The following MFSD1 variants were observed in gnomAD, a reference collection of about 807,000 sequenced individuals.
The protein encoded by MFSD1 is lysosomal dipeptide transporter MFSD1.
MFSD1 carries 59 observed loss-of-function variants against 67.1 expected under a neutral mutation model. That is an observed-to-expected ratio of 0.88 (90% CI 0.71 to 1.09). MFSD1 has a LOEUF of 1.09. Ranked by LOEUF, MFSD1 falls within the 50% of genes least tolerant of loss-of-function variation. MFSD1 has a pLI of 0.00. For missense variants in MFSD1, 552 were observed against 566.1 expected, an observed-to-expected ratio of 0.97 and a Z score of 0.25; for synonymous variants, 213 against 200.3, an observed-to-expected ratio of 1.06 and a Z score of -0.54.
At chr3:158,807,183 A>G (rs1729773088) in intron 4 of MFSD1, 101 bp downstream of exon 4, 3 of 1,155,438 alleles carry the variant, frequency 2.6e-6, no homozygotes, top group African/African-American at 1.5e-5. Context: ...TGCCTAGCTT[A>G]ATTAAGCAGA....
At chr3:158,807,543 T>C in intron 5 of MFSD1, 80 bp downstream of exon 5, 2 of 1,162,238 alleles carry the variant, frequency 1.7e-6, no homozygotes, top group South Asian at 2.6e-5. Flanking sequence ...AAAAACCTTG[T>C]CTCTTCTGGG....
At chr3:158,816,468 G>A (rs868205929) in intron 7 of MFSD1, among the ~76,000 whole-genome samples, 2,675 of 152,256 alleles carry the variant, frequency 0.018, 64 homozygotes, top group African/African-American at 0.061. Flanking sequence ...AGAAGTGTCT[G>A]TTCATGTCCT....
In MFSD1 at chr3:158,805,363, A is replaced by T; in HGVS notation, c.218A>T (p.Asp73Val). 1.2e-6 allele frequency: 2 copies of T among 1,607,256 alleles called. No homozygotes were observed. Among genetic ancestry groups the T allele is most frequent in the South Asian group, 1.1e-5 (1 of 90,942 alleles). Residue 73 changes from aspartate (D) to valine (V), a missense_variant and splice_region_variant, in exon 3 of 16, where the codon GAT becomes GTT. Asp to Val is a radical substitution (Grantham distance 152). Coordinates refer to ENST00000415822, the MANE Select transcript of MFSD1 (RefSeq NM_022736.4). ...PAALQTQVKR[D>V]MQVNTTKFML... ...TAGTTTTATTTTCTTTTCATATAGG[A>T]TATGCAAGTGAATACCACGAAATTC...
chr3:158,816,727 T>C (rs1368121862), intron 7 of MFSD1, among the ~76,000 whole-genome samples: 4 of 151,472 alleles, frequency 2.6e-5, no homozygotes, highest in Admixed American at 2.0e-4. Context: ...TCCTTGCCCA[T>C]GCCTATGTCC....
In MFSD1 at chr3:158,807,472, T is replaced by C. The variant is rs1465070826; in HGVS notation, c.440+9T>C. On this transcript the variant is annotated intron_variant, in intron 5 of 15. Coordinates refer to ENST00000415822, the MANE Select transcript of MFSD1 (RefSeq NM_022736.4). ...GGAAGATTTGTATTTGGGTAAGTTA[T>C]GCATAATTTAATTTATCCTAATGTA... 1 of 1,593,454 alleles carries C rather than the reference T, an allele frequency of 6.3e-7. No homozygotes were observed. The highest frequency in any genetic ancestry group is 2.2e-5 in the East Asian group (1 of 44,654).
At chr3:158,804,413 A>G in intron 2 of MFSD1, 42 bp downstream of exon 2, 1 of 1,542,546 alleles carries the variant, frequency 6.5e-7, no homozygotes, top group Non-Finnish European at 8.9e-7. Context: ...TTTTCTTTAG[A>G]GCAAGTGTAG....
chr3:158,823,251 C>A, intron 11 of MFSD1, 177 bp from the exon 12 acceptor site: 1 of 597,820 alleles, frequency 1.7e-6, no homozygotes, highest in South Asian at 2.0e-5. Context: ...TAAAAGGATA[C>A]TCTTAGGGCA....
At chr3:158,813,468 C>T (rs888256521) in intron 6 of MFSD1, among the ~76,000 whole-genome samples, 9 of 152,088 alleles carry the variant, frequency 5.9e-5, no homozygotes, top group African/African-American at 1.9e-4. Flanking sequence ...ATTATATTCC[C>T]AATACCTGAA....
intron 1 of MFSD1, 71 bp from the exon 2 acceptor site, chr3:158,804,248 C>A: frequency 2.8e-6 from 3 of 1,079,042 alleles, no homozygotes; most frequent in Admixed American, 4.7e-5. Flanking sequence ...ATTGTAATTT[C>A]AGTAGCAACT....
At chr3:158,802,597 A>G (rs1288252522) in intron 1 of MFSD1, 9 of 680,854 alleles carry the variant, frequency 1.3e-5, no homozygotes, top group Non-Finnish European at 2.4e-5. Flanking sequence ...GACTCGCCCT[A>G]GAGGCGATAG....
chr3:158,807,054 T>G lies in MFSD1; in HGVS notation c.344T>G (p.Ile115Ser). Residue 115 changes from isoleucine to serine, a missense_variant, in exon 4 of 16, where the codon ATT becomes AGT. Transcript: ENST00000415822. Reference sequence around the variant, plus strand: ...TTCCCAAACAGATGGGGCACAATCATTTTTAGCTGCTTTGTTTGCATTGGA... The same window carrying G: ...TTCCCAAACAGATGGGGCACAATCAGTTTTAGCTGCTTTGTTTGCATTGGA... ...RVFGIRWGTI[I>S]FSCFVCIGQV... 1 of 1,611,688 alleles carries G rather than the reference T, an allele frequency of 6.2e-7. No individual in the cohort carries two copies.
At chr3:158,821,179 G>A (rs1322687725) in intron 9 of MFSD1, among the ~76,000 whole-genome samples, 1 of 151,234 alleles carries the variant, frequency 6.6e-6, no homozygotes, top group African/African-American at 2.5e-5. Context: ...GCAGCGCAAT[G>A]TAAGTGTGTT....
chr3:158,805,706 T>C (rs1335502649), intron 3 of MFSD1, among the ~76,000 whole-genome samples: 3 of 152,236 alleles, frequency 2.0e-5, no homozygotes, highest in African/African-American at 4.8e-5. Flanking sequence ...CAGTTATCCA[T>C]AGGAAAATTA....
At chr3:158,807,526 A>T (rs553272978) in intron 5 of MFSD1, 63 bp downstream of exon 5, 16 of 1,352,380 alleles carry the variant, frequency 1.2e-5, no homozygotes, top group Non-Finnish European at 1.6e-5. Context: ...TCTATGAAAG[A>T]TCTTTAAAAA....
chr3:158,823,025 T>TGATG (rs1730756558), intron 11 of MFSD1: 1 of 193,330 alleles, frequency 5.2e-6, no homozygotes. Flanking sequence ...AGACGTAGGA[T>TGATG]GATGGACTGT....
At chr3:158,827,916 GAGAGAGAGAGAGAGAGAGAGAGAGA>G (rs1731077201) in intron 15 of MFSD1, among the ~76,000 whole-genome samples, 2 of 88,072 alleles carry the variant, frequency 2.3e-5, no homozygotes, top group Non-Finnish European at 4.1e-5. Context: ...GAGAGAGGGG[GAGAGAGAGAGAGAGAGAGAGAGAGA>G]GGGGGAGAGA....
chr3:158,819,664 T>C lies in MFSD1; in HGVS notation c.668T>C (p.Ile223Thr). 2 of 1,583,644 alleles carry C rather than the reference T, an allele frequency of 1.3e-6. No homozygotes were observed. Among genetic ancestry groups the C allele is most frequent in the Non-Finnish European group, 1.7e-6 (2 of 1,157,822 alleles). ...ITLMIGGITC[I>T]LSLICALALA... ...TTTTATTTAGGGGGTATAACGTGTA[T>C]TCTTTCACTAATCTGTGCCTTGGCT... Residue 223 changes from isoleucine to threonine, a missense_variant, in exon 8 of 16, where the codon ATT becomes ACT. Physicochemically the swap from Ile to Thr is moderately conservative, Grantham distance 89. Transcript: ENST00000415822.
intron 1 of MFSD1, chr3:158,802,634 G>C: frequency 1.6e-6 from 1 of 610,212 alleles, no homozygotes; most frequent in Non-Finnish European, 3.0e-6. Flanking sequence ...AGATTTTCAA[G>C]GTTCCTCTTT....
intron 15 of MFSD1, 24 bp downstream of exon 15, chr3:158,827,361 T>C: frequency 7.3e-7 from 1 of 1,363,182 alleles, no homozygotes; most frequent in Non-Finnish European, 9.9e-7. Context: ...GGGTAAAAAG[T>C]TGTCTTTATT....
Sources: allele counts gnomAD v4.1 joint callset (sites outside exome capture counted in the v4.1 genomes callset), GRCh38; gene constraint gnomAD v4.1.1; transcripts MANE v1.5; gene names NCBI Gene and HGNC (gene_info 2026-07-23, HGNC 2026-07-21).